The following ZNF407 variants were observed in gnomAD, a reference collection of about 807,000 sequenced individuals.
The protein encoded by ZNF407 is zinc finger protein 407.
A neutral mutation model predicts 131.2 loss-of-function variants in ZNF407; 17 were observed. The observed-to-expected ratio is 0.13, with a 90% CI of 0.09 to 0.19. ZNF407 has a LOEUF of 0.19. ZNF407 is among the 10% of genes least tolerant of loss of function. ZNF407 has a pLI of 1.00. For synonymous variants in ZNF407, 1,156 were observed against 1,062.0 expected (o/e 1.09, Z -1.72); for missense variants, 2,681 against 2,830.6 (o/e 0.95, Z 1.20).
At position 74,598,780 on chromosome 18, in the gene ZNF407, C is replaced by T. The variant is rs78874615; in HGVS notation, c.-54+843C>T. Among the ~76,000 whole-genome samples the T allele has an allele frequency of 3.7e-3, 571 of 152,382 alleles. 2 individuals carry two copies. Among genetic ancestry groups the T allele is most frequent in the African/African-American group, 0.013 (540 of 41,588 alleles). On this transcript the variant is annotated intron_variant, in intron 1 of 8. Coordinates refer to ENST00000299687, the MANE Select transcript of ZNF407 (RefSeq NM_017757.3). ...CTCACCTCTTTCCAGCCAGCTAGCA[C>T]GCCCTGGGTGCTTGGCCTCCTTCTG...
intron 4 of ZNF407, among the ~76,000 whole-genome samples, chr18:74,813,440 C>G (rs1351523083): frequency 6.7e-6 from 1 of 148,906 alleles, no homozygotes; most frequent in East Asian, 1.9e-4. Context: ...CGTGAGGCCA[C>G]AGAACACTTC....
chr18:74,780,650 T>G (rs1001769372), intron 3 of ZNF407, among the ~76,000 whole-genome samples: 5 of 152,180 alleles, frequency 3.3e-5, no homozygotes, highest in Non-Finnish European at 5.9e-5. Flanking sequence ...AGTAAATTTT[T>G]TTTCTGCTTA....
chr18:74,674,759 T>C (rs1312887357), intron 3 of ZNF407, among the ~76,000 whole-genome samples: 3 of 152,150 alleles, frequency 2.0e-5, no homozygotes, highest in African/African-American at 7.2e-5. Flanking sequence ...CAATAGGCAA[T>C]GTGTAAATGA....
At chr18:74,627,926 A>G (rs979437466) in intron 1 of ZNF407, among the ~76,000 whole-genome samples, 1 of 145,040 alleles carries the variant, frequency 6.9e-6, no homozygotes, top group Non-Finnish European at 1.5e-5. Context: ...CCAGGCTGGA[A>G]CGCAGTGGTT....
At chr18:74,764,128 T>A (rs1157671699) in intron 3 of ZNF407, among the ~76,000 whole-genome samples, 1 of 152,212 alleles carries the variant, frequency 6.6e-6, no homozygotes, top group East Asian at 1.9e-4. Flanking sequence ...CCTTTTTTGA[T>A]TTGTGAGTTT....
At chr18:74,639,962 A>G (rs1208385176) in intron 2 of ZNF407, among the ~76,000 whole-genome samples, 1 of 152,020 alleles carries the variant, frequency 6.6e-6, no homozygotes, top group Non-Finnish European at 1.5e-5. Context: ...CTCTTTTTGT[A>G]TATTTATTAA....
At chr18:74,719,124 G>T (rs1967965318) in intron 3 of ZNF407, among the ~76,000 whole-genome samples, 1 of 151,904 alleles carries the variant, frequency 6.6e-6, no homozygotes. Flanking sequence ...AATGTATAGT[G>T]ATCAGATCAG....
intron 4 of ZNF407, among the ~76,000 whole-genome samples, chr18:74,805,968 C>G (rs566483285): frequency 1.3e-5 from 2 of 152,322 alleles, no homozygotes; most frequent in Non-Finnish European, 2.9e-5. Flanking sequence ...ACAGACTTTA[C>G]TATTTCCAAT....
chr18:74,782,300 G>C (rs11665291), intron 4 of ZNF407, among the ~76,000 whole-genome samples: 97,249 of 151,972 alleles, frequency 0.64, 33,345 homozygotes, highest in East Asian at 0.95. Flanking sequence ...CACTAGTGAT[G>C]CAATTTTTTC....
chr18:75,028,435 C>T (rs910401936), intron 8 of ZNF407, among the ~76,000 whole-genome samples: 1 of 152,154 alleles, frequency 6.6e-6, no homozygotes, highest in African/African-American at 2.4e-5. Flanking sequence ...TCAGAATGAC[C>T]TCCATTTTAC....
rs1353473051 is a variant in ZNF407, at chr18:74,879,166, T to G, written c.5044+1803T>G. ...CATCTATGCATGTAGAAAATATAAA[T>G]CTTAAGAGGGATTTTCTATGCTTGT... On this transcript the variant is annotated intron_variant, in intron 5 of 8. Coordinates refer to ENST00000299687, the MANE Select transcript of ZNF407 (RefSeq NM_017757.3). Among the ~76,000 whole-genome samples, 4 of 152,138 alleles carry G rather than the reference T, an allele frequency of 2.6e-5. No individual in the cohort carries two copies. In the East Asian group the frequency reaches 7.7e-4, roughly 29 times the overall value.
intron 3 of ZNF407, among the ~76,000 whole-genome samples, chr18:74,723,948 G>T (rs1477911087): frequency 2.0e-5 from 3 of 150,264 alleles, no homozygotes; most frequent in Non-Finnish European, 4.4e-5. Flanking sequence ...GGCGGGGTGG[G>T]GGGGGTTTGT....
chr18:74,884,464 TAAGCTATC>T (rs951728046), intron 6 of ZNF407, among the ~76,000 whole-genome samples: 10 of 152,234 alleles, frequency 6.6e-5, no homozygotes, highest in African/African-American at 2.2e-4. Flanking sequence ...GACATGGACT[TAAGCTATC>T]AAGAGCTCAG....
chr18:74,910,706 C>G (rs1314650289), intron 7 of ZNF407, among the ~76,000 whole-genome samples: 2 of 152,126 alleles, frequency 1.3e-5, no homozygotes, highest in African/African-American at 4.8e-5. Flanking sequence ...CCTCAGTTTC[C>G]CACATTTTTA....
At chr18:74,762,900 A>G (rs573406337) in intron 3 of ZNF407, among the ~76,000 whole-genome samples, 2 of 152,196 alleles carry the variant, frequency 1.3e-5, no homozygotes, top group South Asian at 4.1e-4. Flanking sequence ...TGCTGTTATG[A>G]TGAACATTTG....
chr18:75,052,159 T>G (rs1309840348), intron 8 of ZNF407, among the ~76,000 whole-genome samples: 3 of 152,216 alleles, frequency 2.0e-5, no homozygotes, highest in African/African-American at 7.2e-5. Context: ...TGCTTAATTT[T>G]ATGTATGCAT....
intron 4 of ZNF407, among the ~76,000 whole-genome samples, chr18:74,838,387 G>A (rs1011287394): frequency 6.6e-6 from 1 of 152,098 alleles, no homozygotes; most frequent in African/African-American, 2.4e-5. Context: ...GTGTTCCTCC[G>A]CTGATACTTG....
At chr18:75,027,124 A>C (rs1209669155) in intron 8 of ZNF407, among the ~76,000 whole-genome samples, 1 of 152,220 alleles carries the variant, frequency 6.6e-6, no homozygotes, top group Non-Finnish European at 1.5e-5. Flanking sequence ...TGTCTGAGGA[A>C]GACAGGGAAC....
intron 8 of ZNF407, among the ~76,000 whole-genome samples, chr18:74,931,976 A>G (rs926630462): frequency 2.0e-5 from 3 of 152,154 alleles, no homozygotes; most frequent in Non-Finnish European, 4.4e-5. Context: ...CTAGTCTGAG[A>G]CATGTCTTTT....
Sources: gnomAD v4.1 joint callset for allele counts (sites outside exome capture counted in the v4.1 genomes callset) on GRCh38, gnomAD v4.1.1 for gene constraint, MANE v1.5 for transcripts, NCBI Gene and HGNC (gene_info 2026-07-23, HGNC 2026-07-21) for gene names.